MACROD2: variants seen among roughly 807,000 people sequenced by gnomAD.
MACROD2 encodes the protein mono-ADP ribosylhydrolase 2, also known as ADP-ribose glycohydrolase MACROD2.
In MACROD2, 36 loss-of-function variants were observed where a neutral mutation model predicts 70.4. That is an observed-to-expected ratio of 0.51 (90% CI 0.39 to 0.68). The LOEUF is 0.68. Among genes scored for constraint, MACROD2 ranks in the 30% least tolerant of loss-of-function variants. The probability of loss-of-function intolerance (pLI) is 0.00; values close to 1 mark genes in which losing one functional copy is unlikely to be tolerated. For synonymous variants in MACROD2, 172 were observed against 178.8 expected (o/e 0.96, Z 0.30); for missense variants, 496 against 538.4 (o/e 0.92, Z 0.78).
intron 8 of MACROD2, among the ~76,000 whole-genome samples, chr20:15,531,368 A>C (rs1194461672): frequency 6.6e-6 from 1 of 151,934 alleles, no homozygotes. Context: ...CTCTTTATTA[A>C]TATTTTTTCT....
At chr20:15,719,799 G>C (rs6043484) in intron 8 of MACROD2, among the ~76,000 whole-genome samples, 1 of 152,058 alleles carries the variant, frequency 6.6e-6, no homozygotes, top group Non-Finnish European at 1.5e-5. Flanking sequence ...CTTTGTGATA[G>C]GAACATTCAA....
chr20:15,906,580 A>T (rs1299486178), intron 10 of MACROD2, among the ~76,000 whole-genome samples: 1 of 151,926 alleles, frequency 6.6e-6, no homozygotes, highest in Non-Finnish European at 1.5e-5. Context: ...CCAGTTTTCC[A>T]ATGATGCTCC....
At chr20:14,014,716 CT>C (rs775692932) in intron 2 of MACROD2, among the ~76,000 whole-genome samples, 6 of 152,198 alleles carry the variant, frequency 3.9e-5, no homozygotes, top group Admixed American at 6.5e-5. Context: ...ATACCAGTTC[CT>C]CATTTAATTT....
At chr20:14,388,399 C>G (rs2083490733) in intron 3 of MACROD2, among the ~76,000 whole-genome samples, 1 of 152,156 alleles carries the variant, frequency 6.6e-6, no homozygotes, top group Non-Finnish European at 1.5e-5. Flanking sequence ...TCACCCCACA[C>G]AGTCAAAAAT....
chr20:15,847,751 T>G (rs1292915605), intron 8 of MACROD2, among the ~76,000 whole-genome samples: 1 of 152,220 alleles, frequency 6.6e-6, no homozygotes, highest in Non-Finnish European at 1.5e-5. Context: ...TATTGTTCTT[T>G]TTTTCCATAT....
rs540100133 is a variant in MACROD2 at position 14,275,434 on chromosome 20, A to G, written c.271+189706A>G. ...GGGAAAACTGGCTAGCCATATGTAGAAAGCTGAAACTGGATCCCTTCCTTA... is the reference window on the plus strand; with the variant it reads ...GGGAAAACTGGCTAGCCATATGTAGGAAGCTGAAACTGGATCCCTTCCTTA... On this transcript the variant is annotated intron_variant, in intron 3 of 17. Coordinates refer to ENST00000684519, the MANE Select transcript of MACROD2 (RefSeq NM_001351661.2). 5.9e-5 allele frequency among the ~76,000 whole-genome samples: 9 copies of G among 152,074 alleles called. No homozygotes were observed. The South Asian group carries it at 1.9e-3, about 32-fold the overall frequency.
intron 4 of MACROD2, among the ~76,000 whole-genome samples, chr20:14,506,614 C>G (rs746479822): frequency 6.6e-6 from 1 of 152,150 alleles, no homozygotes; most frequent in Non-Finnish European, 1.5e-5. Context: ...AGTTACCAAA[C>G]AACTCCAAAA....
At chr20:14,143,692 C>T (rs1189908731) in intron 3 of MACROD2, among the ~76,000 whole-genome samples, 1 of 152,050 alleles carries the variant, frequency 6.6e-6, no homozygotes, top group East Asian at 1.9e-4. Context: ...TCTGCTCAGG[C>T]CATTGTGGAA....
At chr20:14,096,457 C>A (rs1247742291) in intron 3 of MACROD2, among the ~76,000 whole-genome samples, 1 of 149,878 alleles carries the variant, frequency 6.7e-6, no homozygotes, top group Non-Finnish European at 1.5e-5. Flanking sequence ...ATATCCTCCT[C>A]CCCAGTTCGA....
chr20:15,212,005 A>G (rs2076767947), intron 5 of MACROD2, among the ~76,000 whole-genome samples: 1 of 152,186 alleles, frequency 6.6e-6, no homozygotes, highest in African/African-American at 2.4e-5. Flanking sequence ...ATTTCTCCAC[A>G]TACTAACACT....
intron 5 of MACROD2, among the ~76,000 whole-genome samples, chr20:14,788,403 G>T (rs1313219023): frequency 6.6e-6 from 1 of 151,858 alleles, no homozygotes; most frequent in East Asian, 1.9e-4. Context: ...TGGGCAACAT[G>T]TTGAAACCAC....
chr20:14,931,903 G>T (rs1411800589), intron 5 of MACROD2, among the ~76,000 whole-genome samples: 1 of 151,572 alleles, frequency 6.6e-6, no homozygotes, highest in Admixed American at 6.6e-5. Flanking sequence ...TTGGGAGGCT[G>T]AGCTGGGAGG....
intron 5 of MACROD2, among the ~76,000 whole-genome samples, chr20:14,802,401 T>C (rs2072587651): frequency 6.6e-6 from 1 of 152,106 alleles, no homozygotes; most frequent in Admixed American, 6.6e-5. Flanking sequence ...GAATGACTTG[T>C]CATTGTTAAA....
chr20:14,525,765 TA>T (rs2085223950), intron 4 of MACROD2, among the ~76,000 whole-genome samples: 1 of 152,362 alleles, frequency 6.6e-6, no homozygotes, highest in South Asian at 2.1e-4. Flanking sequence ...GCACTTAAAG[TA>T]ACTTTTAGGT....
chr20:15,651,922 C>A (rs1384367373), intron 8 of MACROD2, among the ~76,000 whole-genome samples: 1 of 152,126 alleles, frequency 6.6e-6, no homozygotes, highest in Admixed American at 6.6e-5. Flanking sequence ...TAGTAAGAGC[C>A]TTCCAGAAAC....
intron 7 of MACROD2, among the ~76,000 whole-genome samples, chr20:15,467,530 T>C (rs1434218317): frequency 6.6e-6 from 1 of 152,132 alleles, no homozygotes; most frequent in Admixed American, 6.5e-5. Context: ...AGGAGGTTAT[T>C]TTTTTCTCTC....
At chr20:15,030,666 CAGATAGAT>C (rs60260667) in intron 5 of MACROD2, among the ~76,000 whole-genome samples, 2 of 151,750 alleles carry the variant, frequency 1.3e-5, no homozygotes, top group African/African-American at 4.9e-5. Flanking sequence ...GATAGATAGA[CAGATAGAT>C]AGATAGATAG....
chr20:14,625,219 C>G, intron 4 of MACROD2, among the ~76,000 whole-genome samples: 1 of 151,824 alleles, frequency 6.6e-6, no homozygotes, highest in South Asian at 2.1e-4. Flanking sequence ...CCCAGCTACT[C>G]GAGAGGCTCA....
chr20:15,949,873 C>G (rs112604686), intron 12 of MACROD2, among the ~76,000 whole-genome samples: 2,087 of 152,208 alleles, frequency 0.014, 44 homozygotes, highest in African/African-American at 0.047. Context: ...ACTAGAGAAA[C>G]CCAAGATGTA....
Sources: allele counts gnomAD v4.1 joint callset (sites outside exome capture counted in the v4.1 genomes callset), GRCh38; gene constraint gnomAD v4.1.1; transcripts MANE v1.5; gene names NCBI Gene and HGNC (gene_info 2026-07-23, HGNC 2026-07-21).